Variants in ZMAT4 observed in about 807,000 individuals in gnomAD.
The protein encoded by ZMAT4 is zinc finger matrin-type protein 4.
ZMAT4 carries 17 observed loss-of-function variants against 28.7 expected under a neutral mutation model. The ratio of observed to expected loss-of-function variants is 0.59; its 90% CI spans 0.41 to 0.89. The LOEUF (loss-of-function observed/expected upper bound fraction) is 0.89, where lower values mean the gene tolerates loss of function less well. Among genes scored for constraint, ZMAT4 ranks in the 40% least tolerant of loss-of-function variants. The pLI is 0.00. For synonymous variants in ZMAT4, 117 were observed against 109.2 expected (o/e 1.07, Z -0.44); for missense variants, 240 against 283.8 (o/e 0.85, Z 1.11).
At chr8:40,647,171 A>T (rs1193850595) in intron 5 of ZMAT4, among the ~76,000 whole-genome samples, 1 of 152,184 alleles carries the variant, frequency 6.6e-6, no homozygotes, top group East Asian at 1.9e-4. Flanking sequence ...TACCAGGTTC[A>T]TCTCACTAGG....
chr8:40,745,698 G>A (rs1244415092), intron 3 of ZMAT4, among the ~76,000 whole-genome samples: 2 of 152,078 alleles, frequency 1.3e-5, no homozygotes, highest in Non-Finnish European at 2.9e-5. Flanking sequence ...AGATCTGCCA[G>A]GCAATATTCC....
intron 4 of ZMAT4, among the ~76,000 whole-genome samples, chr8:40,695,785 T>TC (rs1380306557): frequency 7.0e-6 from 1 of 143,416 alleles, no homozygotes; most frequent in African/African-American, 2.6e-5. Flanking sequence ...TTTTTTTTTT[T>TC]TTTTTTTTTT....
chr8:40,762,264 T>C (rs1375664866), intron 3 of ZMAT4, among the ~76,000 whole-genome samples: 2 of 152,190 alleles, frequency 1.3e-5, no homozygotes, highest in East Asian at 3.8e-4. Context: ...GTCTTGCACA[T>C]GTACGTAGTT....
At chr8:40,650,892 ACT>A (rs1217873671) in intron 5 of ZMAT4, among the ~76,000 whole-genome samples, 1 of 152,052 alleles carries the variant, frequency 6.6e-6, no homozygotes, top group Non-Finnish European at 1.5e-5. Flanking sequence ...CAGGCTGAAA[ACT>A]CTCAATAAAT....
chr8:40,762,268 C>T (rs961323731), intron 3 of ZMAT4, among the ~76,000 whole-genome samples: 6 of 152,070 alleles, frequency 3.9e-5, no homozygotes, highest in Admixed American at 6.6e-5. Context: ...TGCACATGTA[C>T]GTAGTTAAGA....
intron 1 of ZMAT4, among the ~76,000 whole-genome samples, chr8:40,852,824 C>T (rs774658618): frequency 1.3e-4 from 20 of 152,140 alleles, no homozygotes; most frequent in Non-Finnish European, 2.5e-4. Flanking sequence ...AAAAAGAACA[C>T]TCATTAATAT....
intron 5 of ZMAT4, among the ~76,000 whole-genome samples, chr8:40,655,295 G>T (rs1049828037): frequency 1.4e-4 from 21 of 151,934 alleles, no homozygotes; most frequent in Admixed American, 1.3e-3. Context: ...ATAACATATT[G>T]TTGAAAGAAA....
chr8:40,564,358 C>T (rs1473604899), intron 6 of ZMAT4, among the ~76,000 whole-genome samples: 2 of 152,072 alleles, frequency 1.3e-5, no homozygotes. Flanking sequence ...CCTAAAAGGC[C>T]AAGATTTTCA....
At chr8:40,805,171 A>C (rs893920791) in intron 2 of ZMAT4, among the ~76,000 whole-genome samples, 7 of 152,108 alleles carry the variant, frequency 4.6e-5, no homozygotes, top group Non-Finnish European at 8.8e-5. Flanking sequence ...TTATGCAGCC[A>C]AAAAACACAT....
intron 3 of ZMAT4, among the ~76,000 whole-genome samples, chr8:40,746,989 G>C (rs1261814585): frequency 6.6e-6 from 1 of 151,988 alleles, no homozygotes; most frequent in Non-Finnish European, 1.5e-5. Context: ...CTCTCCCCAC[G>C]TGCTCTCCCA....
intron 5 of ZMAT4, among the ~76,000 whole-genome samples, chr8:40,648,513 C>G (rs1807464946): frequency 6.7e-6 from 1 of 150,010 alleles, no homozygotes; most frequent in Non-Finnish European, 1.5e-5. Context: ...GGATATTGTC[C>G]AGGAGAACTT....
intron 5 of ZMAT4, among the ~76,000 whole-genome samples, chr8:40,592,670 C>G (rs1375744215): frequency 6.6e-6 from 1 of 152,114 alleles, no homozygotes. Flanking sequence ...TATTGGATGC[C>G]TGACCCAAGA....
At chr8:40,758,915 C>T (rs761455505) in intron 3 of ZMAT4, among the ~76,000 whole-genome samples, 9 of 152,110 alleles carry the variant, frequency 5.9e-5, no homozygotes, top group Non-Finnish European at 1.2e-4. Flanking sequence ...TAATCACCTA[C>T]TGGAGAAAAG....
chr8:40,823,892 C>T (rs1815924860), intron 2 of ZMAT4, among the ~76,000 whole-genome samples: 1 of 152,166 alleles, frequency 6.6e-6, no homozygotes, highest in Non-Finnish European at 1.5e-5. Context: ...TTTCATCAAA[C>T]ATTTGCTTTC....
chr8:40,632,225 A>T (rs998070534), intron 5 of ZMAT4, among the ~76,000 whole-genome samples: 1 of 152,214 alleles, frequency 6.6e-6, no homozygotes, highest in African/African-American at 2.4e-5. Flanking sequence ...GATTTCCATA[A>T]AAACAAGGCC....
chr8:40,677,866 ATTTAC>A (rs1808977356), intron 4 of ZMAT4, among the ~76,000 whole-genome samples: 2 of 152,192 alleles, frequency 1.3e-5, no homozygotes, highest in African/African-American at 4.8e-5. Context: ...TTAACTAAAT[ATTTAC>A]TTTACCTGCC....
At chr8:40,641,050 G>C (rs1807005999) in intron 5 of ZMAT4, among the ~76,000 whole-genome samples, 1 of 151,218 alleles carries the variant, frequency 6.6e-6, no homozygotes, top group Non-Finnish European at 1.5e-5. Flanking sequence ...ACTTGCATAA[G>C]AATTCATCAA....
In ZMAT4 at chr8:40,823,995, T is replaced by G. The variant is rs181251125; in HGVS notation, c.102+1580A>C. 1.8e-3 allele frequency among the ~76,000 whole-genome samples: 277 copies of G among 152,322 alleles called. 1 individual carries two copies. Among genetic ancestry groups the G allele is most frequent in the African/African-American group, 6.2e-3 (258 of 41,574 alleles). On this transcript the variant is annotated intron_variant, in intron 2 of 6. Coordinates refer to ENST00000297737, the MANE Select transcript of ZMAT4 (RefSeq NM_024645.3). ...ACAGCTTCCAAAGCATTTTCACAGG[T>G]ACAATTTCGATAGATCTCATTTGGT...
At chr8:40,766,527 G>A (rs1377985176) in intron 3 of ZMAT4, among the ~76,000 whole-genome samples, 4 of 152,232 alleles carry the variant, frequency 2.6e-5, no homozygotes, top group Middle Eastern at 3.4e-3. Context: ...ACTCAGTCCC[G>A]GCTCTTAGCA....
Sources: allele counts gnomAD v4.1 joint callset (sites outside exome capture counted in the v4.1 genomes callset), GRCh38; gene constraint gnomAD v4.1.1; transcripts MANE v1.5; gene names NCBI Gene and HGNC (gene_info 2026-07-23, HGNC 2026-07-21).